The following HP1BP3 variants were observed in gnomAD, a reference collection of about 807,000 sequenced individuals.
HP1BP3 encodes heterochromatin protein 1 binding protein 3.
Under a neutral mutation model 62.5 loss-of-function variants are expected in HP1BP3, and 12 were observed. That is an observed-to-expected ratio of 0.19 (90% CI 0.12 to 0.31). HP1BP3 has a LOEUF of 0.31. HP1BP3 is among the 10% of genes least tolerant of loss of function. The probability of loss-of-function intolerance (pLI) is 1.00; values close to 1 mark genes in which losing one functional copy is unlikely to be tolerated. For missense variants in HP1BP3, 502 were observed against 651.8 expected, an observed-to-expected ratio of 0.77 and a Z score of 2.50; for synonymous variants, 260 against 237.8, an observed-to-expected ratio of 1.09 and a Z score of -0.86.
chr1:20,779,711 G>GAAAAAAA (rs200327876), intron 3 of HP1BP3, 101 bp downstream of exon 3: 3 of 492,570 alleles, frequency 6.1e-6, no homozygotes, highest in South Asian at 2.5e-5. Context: ...ACTTAGCCAT[G>GAAAAAAA]AAAAAAAAAA....
At chr1:20,780,253 TAAGGG>T in intron 2 of HP1BP3, 87 bp downstream of exon 2, 1 of 883,886 alleles carries the variant, frequency 1.1e-6, no homozygotes, top group Non-Finnish European at 1.9e-6. Flanking sequence ...CTCCCCAAAG[TAAGGG>T]AAGGAACATG....
intron 1 of HP1BP3, among the ~76,000 whole-genome samples, chr1:20,783,683 T>C (rs909744595): frequency 7.1e-6 from 1 of 141,220 alleles, no homozygotes; most frequent in Non-Finnish European, 1.5e-5. Context: ...GGCAGGAGAA[T>C]CACTTGAACC....
chr1:20,786,883 G>A (rs920981840), intron 1 of HP1BP3, among the ~76,000 whole-genome samples: 4 of 152,100 alleles, frequency 2.6e-5, no homozygotes, highest in Admixed American at 2.6e-4. Context: ...ACGCAGGGTC[G>A]CACGGCCAGA....
At chr1:20,780,810 C>T (rs2057509634) in intron 1 of HP1BP3, among the ~76,000 whole-genome samples, 1 of 152,148 alleles carries the variant, frequency 6.6e-6, no homozygotes, top group South Asian at 2.1e-4. Flanking sequence ...AACCTAACCC[C>T]ATCCCCTCCT....
intron 8 of HP1BP3, among the ~76,000 whole-genome samples, chr1:20,762,697 A>C (rs1371032059): frequency 6.6e-6 from 1 of 152,052 alleles, no homozygotes; most frequent in East Asian, 1.9e-4. Context: ...CCCTGATTTG[A>C]GTTGTCCCAC....
At chr1:20,762,799 G>C (rs1205567204) in intron 8 of HP1BP3, among the ~76,000 whole-genome samples, 1 of 152,162 alleles carries the variant, frequency 6.6e-6, no homozygotes, top group Non-Finnish European at 1.5e-5. Flanking sequence ...AGACCACCCT[G>C]GGCACAAGTT....
intron 8 of HP1BP3, among the ~76,000 whole-genome samples, chr1:20,759,020 T>C (rs1008195757): frequency 4.6e-5 from 7 of 152,230 alleles, no homozygotes; most frequent in African/African-American, 1.7e-4. Context: ...GAAAAACAAC[T>C]GTAAAATATC....
rs779160326 is a variant in HP1BP3 at position 20,757,204 on chromosome 1, C to T, written c.943G>A (p.Glu315Lys). The change falls in exon 9 of 13, where the codon GAA becomes AAA. Residue 315 changes from glutamate (E) to lysine (K), a missense_variant. Glu to Lys is a moderately conservative substitution (Grantham distance 56). Transcript: ENST00000438032. ...LQRAVERGQL[E>K]QITGKGASGT... Reference sequence around the variant, plus strand: ...GAAGCACCTTTGCCAGTTATCTGTTCTAACTGGCCCCTCTCTACTGCTCTC... The same window carrying T: ...GAAGCACCTTTGCCAGTTATCTGTTTTAACTGGCCCCTCTCTACTGCTCTC... The T allele has an allele frequency of 4.1e-5, 66 of 1,612,826 alleles. No individual in the cohort carries two copies. Among genetic ancestry groups the T allele is most frequent in the Non-Finnish European group, 7.6e-6 (9 of 1,179,326 alleles).
intron 6 of HP1BP3, among the ~76,000 whole-genome samples, chr1:20,770,515 ATGTTGCCC>A: frequency 6.6e-6 from 1 of 152,156 alleles, no homozygotes; most frequent in South Asian, 2.1e-4. Flanking sequence ...GGGTCTTGCT[ATGTTGCCC>A]AGGCTGGTCT....
rs199982069 is a variant in HP1BP3, at chr1:20,779,727, C to A, written c.196+85G>T. 3,325 of 414,910 alleles carry A rather than the reference C, an allele frequency of 8.0e-3. 2 individuals carry two copies. The highest frequency in any genetic ancestry group is 0.012 in the Middle Eastern group (18 of 1,452). 25.7% of individuals were successfully genotyped at this position (414,910 alleles called of 1,614,324 possible). A position where few individuals can be genotyped will look rare whatever the true frequency, so the allele number is the denominator to read the frequency against. On this transcript the variant is annotated intron_variant, in intron 3 of 12. Transcript: ENST00000438032. ...CTTAGCCATGAAAAAAAAAAAAAAA[C>A]AATTAAGTTCAAAGGAATTTATGGG...
At chr1:20,784,476 CTTTTTTTTTTT>C (rs368306686) in intron 1 of HP1BP3, among the ~76,000 whole-genome samples, 2 of 124,548 alleles carry the variant, frequency 1.6e-5, no homozygotes, top group Non-Finnish European at 3.3e-5. Context: ...TGTGTTTTCC[CTTTTTTTTTTT>C]TTTTTTTTTG....
intron 9 of HP1BP3, chr1:20,750,325 AC>A (rs2055639491): frequency 1.5e-3 from 3 of 2,006 alleles, no homozygotes; most frequent in African/African-American, 3.4e-3. Flanking sequence ...TACTAAAAAC[AC>A]ACACACACAC....
At chr1:20,745,744 C>G in intron 11 of HP1BP3, 88 bp from the exon 12 acceptor site, 8 of 1,296,550 alleles carry the variant, frequency 6.2e-6, no homozygotes, top group Non-Finnish European at 8.6e-6. Flanking sequence ...CTGGACATAT[C>G]CCACTTCTTC....
At chr1:20,771,108 T>A (rs776750003) in intron 5 of HP1BP3, 35 bp from the exon 6 acceptor site, 69 of 1,521,244 alleles carry the variant, frequency 4.5e-5, no homozygotes, top group Admixed American at 6.1e-5. Flanking sequence ...TGTTTTTTTT[T>A]ATTAGATAGA....
chr1:20,761,540 C>CAAG (rs2056480207), intron 8 of HP1BP3, among the ~76,000 whole-genome samples: 1 of 4,326 alleles, frequency 2.3e-4, no homozygotes, highest in Non-Finnish European at 5.6e-3. Context: ...GAGTGGGGAT[C>CAAG]ATTAAATGTT....
At chr1:20,748,838 T>C (rs751909867) in intron 10 of HP1BP3, among the ~76,000 whole-genome samples, 1 of 152,238 alleles carries the variant, frequency 6.6e-6, no homozygotes, top group Non-Finnish European at 1.5e-5. Context: ...TGTTACTTAA[T>C]TTCCATATCC....
intron 3 of HP1BP3, among the ~76,000 whole-genome samples, chr1:20,779,267 GGAGAA>G (rs2057438210): frequency 2.0e-5 from 3 of 152,120 alleles, no homozygotes; most frequent in South Asian, 2.1e-4. Context: ...GACGGGAAAA[GGAGAA>G]GAGGTGGTTA....
intron 8 of HP1BP3, among the ~76,000 whole-genome samples, chr1:20,764,350 GT>G (rs113729006): frequency 4.1e-5 from 6 of 145,296 alleles, no homozygotes; most frequent in Admixed American, 6.9e-5. Flanking sequence ...TACTCTTATG[GT>G]TTTTTTTTTG....
chr1:20,757,117 C>T (rs972508794), intron 9 of HP1BP3, 49 bp downstream of exon 9: 2 of 1,327,268 alleles, frequency 1.5e-6, no homozygotes, highest in African/African-American at 1.5e-5. Flanking sequence ...GTCCTGAAAC[C>T]AAAAACTTTA....
Sources: gnomAD v4.1 joint callset for allele counts (sites outside exome capture counted in the v4.1 genomes callset) on GRCh38, gnomAD v4.1.1 for gene constraint, MANE v1.5 for transcripts, NCBI Gene and HGNC (gene_info 2026-07-23, HGNC 2026-07-21) for gene names.